SPOCK2: variants seen among roughly 807,000 people sequenced by gnomAD.
SPOCK2 encodes the protein SPARC (osteonectin), cwcv and kazal like domains proteoglycan 2, also known as testican-2.
SPOCK2 carries 39 observed loss-of-function variants against 60.1 expected under a neutral mutation model. That is an observed-to-expected ratio of 0.65 (90% CI 0.50 to 0.85). The LOEUF is 0.85. SPOCK2 is among the 40% of genes least tolerant of loss of function. The pLI is 0.00. For missense variants in SPOCK2, 523 were observed against 567.4 expected, an observed-to-expected ratio of 0.92 and a Z score of 0.80; for synonymous variants, 217 against 231.5, an observed-to-expected ratio of 0.94 and a Z score of 0.57.
rs1040770392 is a variant in SPOCK2 at position 72,079,209 on chromosome 10, C to T, written c.190-6299G>A. Among the ~76,000 whole-genome samples, 5 of 152,138 alleles carry T rather than the reference C, an allele frequency of 3.3e-5. No individual in the cohort carries two copies. In the South Asian group the frequency reaches 6.2e-4, roughly 19 times the overall value. ...CACCCAGAACTGTGATTCCAGAATC[C>T]GTGCCCCTAACCAGCACTCCATAAA... is the stretch of plus-strand genomic sequence containing the variant. On this transcript the variant is annotated intron_variant, in intron 1 of 10. Transcript: ENST00000373109.
intron 9 of SPOCK2, 42 bp from the exon 10 acceptor site, chr10:72,063,204 G>A (rs1229694839): frequency 1.3e-5 from 20 of 1,550,322 alleles, no homozygotes; most frequent in East Asian, 2.4e-5. Flanking sequence ...CAGGGGCCCA[G>A]GCTGTGGGCC....
intron 1 of SPOCK2, among the ~76,000 whole-genome samples, chr10:72,085,973 T>C (rs1374169289): frequency 6.6e-6 from 1 of 152,218 alleles, no homozygotes; most frequent in Non-Finnish European, 1.5e-5. Context: ...CCTAGAGTTA[T>C]GCAATGCAGT....
At position 72,059,175 on chromosome 10, in the gene SPOCK2, G is replaced by A. The variant is rs7307; in HGVS notation, c.*3585C>T. ...CGAGGCAGGGTCCCCAAGTGGAGGCGGGGCGGGACGTGAGAGGATGGGGGC... is the reference window on the plus strand; with the variant it reads ...CGAGGCAGGGTCCCCAAGTGGAGGCAGGGCGGGACGTGAGAGGATGGGGGC... On this transcript the variant is annotated 3_prime_UTR_variant, in exon 11 of 11. Coordinates refer to ENST00000373109, the MANE Select transcript of SPOCK2 (RefSeq NM_001244950.2). The A allele has an allele frequency of 0.38, 58,583 of 152,664 alleles. 12,410 individuals are homozygous for A. The highest frequency in any genetic ancestry group is 0.5 in the Middle Eastern group (149 of 300). The allele number at this position is 152,664 out of a possible 1,614,324, so 9.5% of individuals were successfully genotyped here.
chr10:72,074,742 G>C (rs1840692891), intron 1 of SPOCK2, among the ~76,000 whole-genome samples: 1 of 152,182 alleles, frequency 6.6e-6, no homozygotes, highest in African/African-American at 2.4e-5. Flanking sequence ...ACCGCAGACT[G>C]CTCCCGTGAG....
At chr10:72,069,577 C>A (rs1033827748) in intron 5 of SPOCK2, among the ~76,000 whole-genome samples, 4 of 151,600 alleles carry the variant, frequency 2.6e-5, no homozygotes, top group African/African-American at 7.3e-5. Flanking sequence ...TCCCCCTCAG[C>A]CTCTCAGATA....
chr10:72,066,895 C>T lies in SPOCK2; in HGVS notation c.928+7G>A. ...AGGCAGGGGCCTGGGAGGGGGGCTGCACTCACTCTCCCTCCAGAAGCAGAA... is the reference window on the plus strand; with the variant it reads ...AGGCAGGGGCCTGGGAGGGGGGCTGTACTCACTCTCCCTCCAGAAGCAGAA... On this transcript the variant is annotated splice_region_variant and intron_variant, in intron 8 of 10. Transcript: ENST00000373109. 1 of 1,613,948 alleles carries T rather than the reference C, an allele frequency of 6.2e-7. No homozygotes were observed. The highest frequency in any genetic ancestry group is 8.5e-7 in the Non-Finnish European group (1 of 1,179,916).
chr10:72,072,909 T>A lies in SPOCK2; in HGVS notation c.191A>T (p.Glu64Val). Residue 64 changes from glutamate to valine, a missense_variant and splice_region_variant, in exon 2 of 11, where the codon GAA (glutamate) becomes GTA (valine). Physicochemically the swap from Glu to Val is moderately radical, Grantham distance 121. Transcript: ENST00000373109. The stretch of plus-strand genomic sequence containing the variant: ...GTCCTGGGCAGTACTCACCTCCACT[T>A]CCTGGAGATCAGGGAACAGCAGCAG... ...KIKHWNRFRD[E>V]VEDDYIKSWE... The A allele has an allele frequency of 6.4e-7, 1 of 1,554,998 alleles. No homozygotes were observed. Among genetic ancestry groups the A allele is most frequent in the Non-Finnish European group, 8.7e-7 (1 of 1,148,864 alleles).
At chr10:72,067,542 A>C (rs1357823860) in intron 7 of SPOCK2, 71 bp downstream of exon 7, 1 of 1,593,290 alleles carries the variant, frequency 6.3e-7, no homozygotes, top group Admixed American at 1.7e-5. Flanking sequence ...AGACTGGCCC[A>C]GCATACACCT....
At chr10:72,085,915 G>C (rs1282875621) in intron 1 of SPOCK2, among the ~76,000 whole-genome samples, 1 of 152,212 alleles carries the variant, frequency 6.6e-6, no homozygotes, top group African/African-American at 2.4e-5. Flanking sequence ...CCTGTGTACT[G>C]TCTGGGCACT....
intron 8 of SPOCK2, among the ~76,000 whole-genome samples, chr10:72,064,976 C>T (rs1398718030): frequency 1.6e-5 from 2 of 127,400 alleles, no homozygotes; most frequent in African/African-American, 5.1e-5. Flanking sequence ...ATAATCTGCC[C>T]GCCTCAGCCC....
intron 1 of SPOCK2, chr10:72,086,227 C>A (rs1288713506): frequency 2.0e-6 from 2 of 986,330 alleles, no homozygotes; most frequent in African/African-American, 1.7e-5. Context: ...TGAAGACTTT[C>A]AAATCTAGTG....
chr10:72,071,478 T>C (rs1370958306), intron 4 of SPOCK2, among the ~76,000 whole-genome samples: 1 of 152,204 alleles, frequency 6.6e-6, no homozygotes, highest in African/African-American at 2.4e-5. Context: ...CAGGAGCCAC[T>C]GCACCCAGCT....
chr10:72,061,602 T>G lies in SPOCK2; in HGVS notation c.*1158A>C, dbSNP rs1840492119. 1 of 152,028 alleles carries G rather than the reference T, an allele frequency of 6.6e-6. No homozygotes were observed. Among genetic ancestry groups the G allele is most frequent in the Non-Finnish European group, 1.5e-5 (1 of 68,110 alleles). 9.4% of individuals were successfully genotyped at this position (152,028 alleles called of 1,614,324 possible). ...GGAGTGTTAAGGGTCAGGGAGGAGG[T>G]GGGCACACACCCCCTTAGCCTAGAC... On this transcript the variant is annotated 3_prime_UTR_variant, in exon 11 of 11. Transcript: ENST00000373109.
chr10:72,064,110 C>T, intron 9 of SPOCK2, 68 bp downstream of exon 9: 2 of 1,571,112 alleles, frequency 1.3e-6, no homozygotes, highest in Non-Finnish European at 1.7e-6. Context: ...GCTGGAGGCC[C>T]TGGGTCTCAG....
Position 72,087,876 on chromosome 10 carries a change from C to T in SPOCK2, c.189+264G>A, listed in dbSNP as rs1840883387. ...CACTCCCGGCCCGCAGGGGAGACCC[C>T]GGAGCGCGCGACCCCGGAGCGTCGG... On this transcript the variant is annotated intron_variant, in intron 1 of 10. Transcript: ENST00000373109. The surrounding 1 kb of genome is among the most constrained non-coding windows in gnomAD (Gnocchi z 4.7). Among the ~76,000 whole-genome samples, 1 of 152,046 alleles carries T rather than the reference C, an allele frequency of 6.6e-6. No homozygotes were observed. The highest frequency in any genetic ancestry group is 1.5e-5 in the Non-Finnish European group (1 of 67,966).
intron 4 of SPOCK2, among the ~76,000 whole-genome samples, chr10:72,071,868 A>G (rs1360529037): frequency 6.6e-6 from 1 of 151,960 alleles, no homozygotes; most frequent in Non-Finnish European, 1.5e-5. Context: ...TTAGAAGTGG[A>G]TCCTCCAGCC....
chr10:72,075,617 G>A (rs1589122798), intron 1 of SPOCK2, among the ~76,000 whole-genome samples: 1 of 152,220 alleles, frequency 6.6e-6, no homozygotes, highest in African/African-American at 2.4e-5. Context: ...TGGCGTGGGA[G>A]TTCTAAGAAA....
chr10:72,072,888 T>C lies in SPOCK2; in HGVS notation c.198+14A>G, dbSNP rs1840668797. 5 of 1,553,924 alleles carry C rather than the reference T, an allele frequency of 3.2e-6. No individual in the cohort carries two copies. Among genetic ancestry groups the C allele is most frequent in the Non-Finnish European group, 4.4e-6 (5 of 1,148,362 alleles). ...GCAGAGACCACACAGAGTGGGGTCC[T>C]GGGCAGTACTCACCTCCACTTCCTG... On this transcript the variant is annotated intron_variant, in intron 2 of 10. Transcript: ENST00000373109.
intron 1 of SPOCK2, among the ~76,000 whole-genome samples, chr10:72,078,483 C>T (rs1057414076): frequency 6.6e-6 from 1 of 151,374 alleles, no homozygotes; most frequent in Non-Finnish European, 1.5e-5. Flanking sequence ...TGCACTCCAG[C>T]CTGGGCGACA....
Sources: allele counts gnomAD v4.1 joint callset (sites outside exome capture counted in the v4.1 genomes callset), GRCh38; gene constraint gnomAD v4.1.1; non-coding constraint Gnocchi (gnomAD v3.1); transcripts MANE v1.5; gene names NCBI Gene and HGNC (gene_info 2026-07-23, HGNC 2026-07-21).